GANAB: variants seen among roughly 807,000 people sequenced by gnomAD.
GANAB encodes glucosidase II alpha subunit.
A neutral mutation model predicts 129.9 loss-of-function variants in GANAB; 35 were observed. The ratio of observed to expected loss-of-function variants is 0.27; its 90% confidence interval spans 0.21 to 0.36. The LOEUF (loss-of-function observed/expected upper bound fraction) is 0.36, where lower values mean the gene tolerates loss of function less well. Among genes scored for constraint, GANAB ranks in the 10% least tolerant of loss-of-function variants. The probability of loss-of-function intolerance (pLI) is 1.00; values close to 1 mark genes in which losing one functional copy is unlikely to be tolerated. For missense variants in GANAB, 939 were observed against 1,221.0 expected (o/e 0.77, Z 3.44); for synonymous variants, 482 against 451.8 (o/e 1.07, Z -0.85).
intron 1 of GANAB, among the ~76,000 whole-genome samples, chr11:62,642,064 T>A (rs986008454): frequency 7.9e-5 from 12 of 151,668 alleles, no homozygotes; most frequent in Non-Finnish European, 1.5e-4. Context: ...ATACAAAAAT[T>A]AGCCAGGCAT....
At chr11:62,644,337 G>A (rs993004629) in intron 1 of GANAB, among the ~76,000 whole-genome samples, 22 of 152,052 alleles carry the variant, frequency 1.4e-4, no homozygotes, top group Admixed American at 1.0e-3. Context: ...GGGTGGGAGG[G>A]TTCTTCTAAG....
At position 62,624,872 on chromosome 11, in the gene GANAB, G is replaced by C. The variant is rs190565425; in HGVS notation, c.*943C>G. The C allele has an allele frequency of 1.8e-3, 450 of 247,950 alleles. 1 individual carries two copies. Among genetic ancestry groups the C allele is most frequent in the African/African-American group, 0.01 (430 of 42,480 alleles). 15.4% of individuals were successfully genotyped at this position (247,950 alleles called of 1,614,324 possible). On this transcript the variant is annotated 3_prime_UTR_variant, in exon 24 of 24. Transcript: ENST00000356638. Reference sequence around the variant, plus strand: ...ATTGTTTCTCCTTTGATCAAAACGTGTCACAGCTGGGAACCAAGAGGAAGT... The same window carrying C: ...ATTGTTTCTCCTTTGATCAAAACGTCTCACAGCTGGGAACCAAGAGGAAGT...
chr11:62,629,148 G>T, intron 16 of GANAB, 46 bp downstream of exon 16: 1 of 1,541,916 alleles, frequency 6.5e-7, no homozygotes, highest in Non-Finnish European at 9.0e-7. Context: ...CCTCTACTTT[G>T]CCCCTTTCCC....
intron 1 of GANAB, among the ~76,000 whole-genome samples, chr11:62,645,453 G>A (rs2134565886): frequency 6.6e-6 from 1 of 151,530 alleles, no homozygotes; most frequent in Admixed American, 6.6e-5. Context: ...GGAGAATGGC[G>A]TGAACCCAGG....
In GANAB at chr11:62,628,823, G is replaced by A. The variant is rs1943525768; in HGVS notation, c.2126C>T (p.Pro709Leu). ...CTGATATAAGAGGGTGTACCAGAAGGGCAGCAAAGAATATCGCTGGCCCAA... is the reference window on the plus strand; with the variant it reads ...CTGATATAAGAGGGTGTACCAGAAGAGCAGCAAAGAATATCGCTGGCCCAA... ...DALGQRYSLL[P>L]FWYTLLYQAH... Residue 709 changes from proline to leucine, a missense_variant, in exon 17 of 24, where the codon CCC (proline) becomes CTC (leucine). By Grantham distance (98) the Pro-to-Leu change is moderately conservative. This residue lies in a region of GANAB where 147 missense variants were observed against 282.4 expected (regional missense o/e 0.52). Coordinates refer to ENST00000356638, the MANE Select transcript of GANAB (RefSeq NM_198334.3). The A allele has an allele frequency of 2.5e-6, 4 of 1,613,908 alleles. No individual in the cohort carries two copies. In the African/African-American group the frequency reaches 5.3e-5, roughly 22 times the overall value.
Position 62,626,156 on chromosome 11 carries a change from G to A in GANAB, c.2634C>T (p.Asp878=). 6.2e-6 allele frequency: 10 copies of A among 1,611,346 alleles called. No individual in the cohort carries two copies. The highest frequency in any genetic ancestry group is 8.5e-6 in the Non-Finnish European group (10 of 1,177,452). The change falls in exon 23 of 24, where the codon GAC becomes GAT. Residue 878 remains aspartate (D), a synonymous_variant. Coordinates refer to ENST00000356638, the MANE Select transcript of GANAB (RefSeq NM_198334.3). ...TTGGTGTCTCAAAGTGTCCTTCAGGGTCTGCTGAGCTGGAGATGGTAAAAG... is the reference window on the plus strand; with the variant it reads ...TTGGTGTCTCAAAGTGTCCTTCAGGATCTGCTGAGCTGGAGATGGTAAAAG... ...SGNTLVSSSA[D]PEGHFETPIW...
intron 1 of GANAB, among the ~76,000 whole-genome samples, chr11:62,644,891 G>A (rs1944409948): frequency 6.6e-6 from 1 of 151,496 alleles, no homozygotes; most frequent in Non-Finnish European, 1.5e-5. Flanking sequence ...CTAAAGACAG[G>A]GTCTATTATA....
In GANAB at chr11:62,626,456, G is replaced by T. The variant is rs1943379213; in HGVS notation, c.2512-9C>A. ...TCTCCTTGAGCTGTACCCTGAGCAA[G>T]AAGTGGGATAGGTGAGCGCCTGAGC... On this transcript the variant is annotated splice_polypyrimidine_tract_variant and intron_variant, in intron 21 of 23. Transcript: ENST00000356638. 1.3e-6 allele frequency: 2 copies of T among 1,591,154 alleles called. No individual in the cohort carries two copies. Among genetic ancestry groups the T allele is most frequent in the Admixed American group, 1.7e-5 (1 of 60,004 alleles).
At chr11:62,645,417 TCCCAG>T (rs1944434794) in intron 1 of GANAB, among the ~76,000 whole-genome samples, 1 of 151,826 alleles carries the variant, frequency 6.6e-6, no homozygotes, top group Non-Finnish European at 1.5e-5. Flanking sequence ...GTGCCTGTAG[TCCCAG>T]CTACTCGGGA....
rs781460117 is a variant in GANAB, at chr11:62,630,625, C to T, written c.1362G>A (p.Glu454=). The T allele has an allele frequency of 3.7e-6, 6 of 1,613,114 alleles. No homozygotes were observed. In the Admixed American group the frequency reaches 6.7e-5, roughly 18 times the overall value. ...SRFPQPRTML[E]RLASKRRKLV... ...CCTTCCGCCTCTTAGAAGCCAAGCG[C>T]TCAAGCATGGTGCGGGGCTGAGGGA... The change falls in exon 11 of 24, where the codon GAG becomes GAA. Residue 454 remains glutamate, a synonymous_variant. Coordinates refer to ENST00000356638, the MANE Select transcript of GANAB (RefSeq NM_198334.3).
chr11:62,634,376 C>T, intron 5 of GANAB: 7 of 1,606,076 alleles, frequency 4.4e-6, no homozygotes, highest in Non-Finnish European at 6.0e-6. Context: ...ATCCGAGAAA[C>T]TGGGGCAGGA....
intron 1 of GANAB, among the ~76,000 whole-genome samples, chr11:62,641,341 G>GGA (rs1554974899): frequency 1.6e-4 from 18 of 109,978 alleles, no homozygotes; most frequent in African/African-American, 2.1e-4. Flanking sequence ...AAAACTCTCA[G>GGA]AAAAAAAAAA....
intron 1 of GANAB, among the ~76,000 whole-genome samples, chr11:62,642,651 G>A (rs1325130275): frequency 2.6e-5 from 4 of 151,982 alleles, no homozygotes; most frequent in East Asian, 1.9e-4. Context: ...GGCCAGGCTC[G>A]TATCGAACTC....
chr11:62,625,947 C>G (rs1489373254), intron 23 of GANAB, 23 bp from the exon 24 acceptor site: 21 of 1,543,144 alleles, frequency 1.4e-5, no homozygotes, highest in Non-Finnish European at 1.9e-5. Context: ...TAAAAGAGTG[C>G]CATAGTCATA....
At position 62,639,669 on chromosome 11, in the gene GANAB, T is replaced by G; in HGVS notation, c.101A>C (p.Asp34Ala). The G allele has an allele frequency of 6.2e-7, 1 of 1,613,816 alleles. No homozygotes were observed. The highest frequency in any genetic ancestry group is 8.5e-7 in the Non-Finnish European group (1 of 1,179,876). ...GVCLGITLAV[D>A]RSNFKTCEES... ...TTCACAGGTCTTAAAGTTGCTTCTA[T>G]CCACAGCAAGGGTAATCCCCAGGCA... The change falls in exon 2 of 24, where the codon GAT becomes GCT. Residue 34 changes from aspartate (D) to alanine (A), a missense_variant. By Grantham distance (126) the Asp-to-Ala change is moderately radical. Transcript: ENST00000356638.
intron 17 of GANAB, among the ~76,000 whole-genome samples, chr11:62,627,817 C>T (rs1474336987): frequency 1.3e-5 from 2 of 152,206 alleles, no homozygotes; most frequent in Non-Finnish European, 2.9e-5. Context: ...GGGTTCAGGT[C>T]TCAGTTATAC....
At chr11:62,639,820 C>G in intron 1 of GANAB, 89 bp from the exon 2 acceptor site, 1 of 775,548 alleles carries the variant, frequency 1.3e-6, no homozygotes, top group East Asian at 2.5e-5. Context: ...TGTCATAGCA[C>G]TAGAAGATAG....
intron 1 of GANAB, 145 bp downstream of exon 1, chr11:62,646,417 G>A (rs2134571810): frequency 1.1e-6 from 1 of 871,424 alleles, no homozygotes; most frequent in Non-Finnish European, 1.8e-6. Context: ...GAGACCGGAG[G>A]CGTCTGAGGC....
At position 62,625,831 on chromosome 11, in the gene GANAB, C is replaced by T. The variant is rs780588721; in HGVS notation, c.2819G>A (p.Ser940Asn). 2 of 1,605,470 alleles carry T rather than the reference C, an allele frequency of 1.2e-6. No homozygotes were observed. Among genetic ancestry groups the T allele is most frequent in the East Asian group, 2.2e-5 (1 of 44,848 alleles). The change falls in exon 24 of 24, where the codon AGT becomes AAT. Residue 940 changes from serine to asparagine, a missense_variant. Transcript: ENST00000356638. Reference protein sequence around the residue: ...KPGINVASDWSIHLR With the variant: ...KPGINVASDWNIHLR The stretch of plus-strand genomic sequence containing the variant: ...TCCCTTGGGTTATCGCAGGTGAATA[C>T]TCCAATCAGATGCCACATTGATGCC...
Sources: gnomAD v4.1 joint callset for allele counts (sites outside exome capture counted in the v4.1 genomes callset) on GRCh38, gnomAD v4.1.1 for gene constraint, gnomAD v4.1.1 regional missense constraint, MANE v1.5 for transcripts, NCBI Gene and HGNC (gene_info 2026-07-23, HGNC 2026-07-21) for gene names.